CTNNA2: variants seen among roughly 807,000 people sequenced by gnomAD.
CTNNA2 encodes catenin alpha-2.
In CTNNA2, 42 loss-of-function variants were observed where a neutral mutation model predicts 101.0. That is an observed-to-expected ratio of 0.42 (90% confidence interval 0.32 to 0.54). The LOEUF (loss-of-function observed/expected upper bound fraction) is 0.54. Among genes scored for constraint, CTNNA2 ranks in the 20% least tolerant of loss-of-function variants. CTNNA2 has a pLI of 0.14. For synonymous variants in CTNNA2, 450 were observed against 456.4 expected, an observed-to-expected ratio of 0.99 and a Z score of 0.18; for missense variants, 871 against 1,223.1, an observed-to-expected ratio of 0.71 and a Z score of 4.29.
intron 7 of CTNNA2, among the ~76,000 whole-genome samples, chr2:80,049,821 T>G (rs1168071457): frequency 6.6e-6 from 1 of 152,218 alleles, no homozygotes; most frequent in Non-Finnish European, 1.5e-5. Flanking sequence ...ATTGCTCTTT[T>G]TGAATTTTTT....
intron 1 of CTNNA2, among the ~76,000 whole-genome samples, chr2:79,552,754 G>T (rs879336285): frequency 6.6e-6 from 1 of 152,174 alleles, no homozygotes; most frequent in Non-Finnish European, 1.5e-5. Context: ...GCTGCTCCTT[G>T]GTCCCTTTTA....
At chr2:80,486,865 T>C (rs2149510322) in intron 9 of CTNNA2, among the ~76,000 whole-genome samples, 1 of 152,328 alleles carries the variant, frequency 6.6e-6, no homozygotes, top group Non-Finnish European at 1.5e-5. Flanking sequence ...TCAGCTCATC[T>C]ACTAATGTCC....
intron 7 of CTNNA2, among the ~76,000 whole-genome samples, chr2:79,949,816 A>G (rs1688756703): frequency 6.6e-6 from 1 of 152,168 alleles, no homozygotes; most frequent in Non-Finnish European, 1.5e-5. Context: ...CTTCTAAAAT[A>G]CTTGATAGTG....
intron 9 of CTNNA2, among the ~76,000 whole-genome samples, chr2:80,522,712 C>A (rs936868344): frequency 6.6e-6 from 1 of 152,068 alleles, no homozygotes; most frequent in African/African-American, 2.4e-5. Context: ...TTCTTGCCAG[C>A]CACGTGAAGA....
intron 7 of CTNNA2, among the ~76,000 whole-genome samples, chr2:80,386,504 C>T (rs1045310472): frequency 5.5e-4 from 83 of 152,134 alleles, no homozygotes; most frequent in African/African-American, 2.0e-3. Context: ...TTTCTATATC[C>T]AGGGTTTCAG....
intron 3 of CTNNA2, among the ~76,000 whole-genome samples, chr2:79,794,498 A>T (rs2105267815): frequency 6.6e-6 from 1 of 152,312 alleles, no homozygotes; most frequent in African/African-American, 2.4e-5. Flanking sequence ...TATTACCACC[A>T]TGAAGGCCAT....
intron 7 of CTNNA2, among the ~76,000 whole-genome samples, chr2:80,368,876 T>G (rs1162523205): frequency 6.6e-6 from 1 of 150,732 alleles, no homozygotes; most frequent in East Asian, 2.0e-4. Flanking sequence ...TGTATATATA[T>G]ATATATATTT....
chr2:80,362,459 C>CT (rs1320296606), intron 7 of CTNNA2, among the ~76,000 whole-genome samples: 2 of 152,056 alleles, frequency 1.3e-5, no homozygotes, highest in African/African-American at 4.8e-5. Flanking sequence ...CTTCTTGAAT[C>CT]TTTTTTCTCA....
chr2:80,291,665 G>C (rs1675261371), intron 7 of CTNNA2, among the ~76,000 whole-genome samples: 1 of 152,166 alleles, frequency 6.6e-6, no homozygotes, highest in African/African-American at 2.4e-5. Flanking sequence ...TTTGGGGCTT[G>C]GATAACAATT....
At chr2:80,009,097 A>T (rs1693584924) in intron 7 of CTNNA2, among the ~76,000 whole-genome samples, 1 of 152,218 alleles carries the variant, frequency 6.6e-6, no homozygotes, top group African/African-American at 2.4e-5. Flanking sequence ...ATGGTGTTAG[A>T]ATTCAGAGGA....
chr2:79,259,827 G>A (rs1360814042), intron 2 of CTNNA2, among the ~76,000 whole-genome samples: 1 of 152,162 alleles, frequency 6.6e-6, no homozygotes, highest in Non-Finnish European at 1.5e-5. Context: ...GAACAGACTT[G>A]GCACACTTAC....
At chr2:79,960,587 T>C (rs560857639) in intron 7 of CTNNA2, among the ~76,000 whole-genome samples, 2 of 152,366 alleles carry the variant, frequency 1.3e-5, no homozygotes, top group East Asian at 3.9e-4. Context: ...AGAATGCATC[T>C]TCCGTTAAAA....
In CTNNA2 at chr2:80,243,714, G is replaced by A. The variant is rs114296809; in HGVS notation, c.1057-149497G>A. ...CCAGCTTGGAACTATAACAAATAAA[G>A]TTGCTAGGGGCATTTGTGTACAAGT... On this transcript the variant is annotated intron_variant, in intron 7 of 18. Transcript: ENST00000402739. 5.9e-3 allele frequency among the ~76,000 whole-genome samples: 898 copies of A among 152,272 alleles called. 7 individuals carry two copies. The highest frequency in any genetic ancestry group is 0.01 in the Admixed American group (153 of 15,294).
chr2:79,913,570 C>T lies in CTNNA2; in HGVS notation c.1056+3773C>T, dbSNP rs532474130. Among the ~76,000 whole-genome samples, 38 of 152,142 alleles carry T rather than the reference C, an allele frequency of 2.5e-4. 1 individual carries two copies. In the South Asian group the frequency reaches 7.0e-3, roughly 28 times the overall value. On this transcript the variant is annotated intron_variant, in intron 7 of 18. Coordinates refer to ENST00000402739, the MANE Select transcript of CTNNA2 (RefSeq NM_001282597.3). ...GAGAACAGGCCACAAAGGCAAAAGG[C>T]GTAAAAGCAGGAGGACAGGTGAGGA...
chr2:79,812,388 A>G (rs1479743858), intron 3 of CTNNA2, among the ~76,000 whole-genome samples: 2 of 152,018 alleles, frequency 1.3e-5, no homozygotes, highest in Non-Finnish European at 2.9e-5. Flanking sequence ...AGATTCCTTT[A>G]TTGGGTTTAG....
intron 7 of CTNNA2, among the ~76,000 whole-genome samples, chr2:80,193,274 C>T (rs530283855): frequency 2.0e-5 from 3 of 152,160 alleles, no homozygotes; most frequent in Admixed American, 6.5e-5. Flanking sequence ...ACATGTACAT[C>T]AAGTGTTTGG....
intron 9 of CTNNA2, among the ~76,000 whole-genome samples, chr2:80,455,086 G>A (rs762661003): frequency 3.9e-5 from 6 of 152,230 alleles, no homozygotes; most frequent in African/African-American, 4.8e-5. Flanking sequence ...ATTAGTGATC[G>A]CCCTGTTTCA....
At chr2:79,683,000 A>T (rs1573666316) in intron 2 of CTNNA2, among the ~76,000 whole-genome samples, 1 of 152,234 alleles carries the variant, frequency 6.6e-6, no homozygotes, top group African/African-American at 2.4e-5. Context: ...CGAGTATTAG[A>T]CTAAAGTCTA....
chr2:79,262,951 T>C (rs1307270805), intron 2 of CTNNA2, among the ~76,000 whole-genome samples: 1 of 152,202 alleles, frequency 6.6e-6, no homozygotes, highest in African/African-American at 2.4e-5. Context: ...CTTCAGGAGT[T>C]AGAGACCAGC....
Sources: allele counts gnomAD v4.1 joint callset (sites outside exome capture counted in the v4.1 genomes callset), GRCh38; gene constraint gnomAD v4.1.1; transcripts MANE v1.5; gene names NCBI Gene and HGNC (gene_info 2026-07-23, HGNC 2026-07-21).